Variants in UACA observed in about 807,000 individuals in gnomAD.
UACA encodes uveal autoantigen with coiled-coil domains and ankyrin repeats.
UACA carries 112 observed loss-of-function variants against 160.5 expected under a neutral mutation model. The observed-to-expected ratio is 0.70, with a 90% confidence interval of 0.60 to 0.82. The LOEUF (loss-of-function observed/expected upper bound fraction) is 0.82, where lower values mean the gene tolerates loss of function less well. UACA is among the 40% of genes least tolerant of loss of function. UACA has a pLI of 0.00. For missense variants in UACA, 1,574 were observed against 1,614.6 expected (o/e 0.97, Z 0.43); for synonymous variants, 557 against 568.4 (o/e 0.98, Z 0.29).
chr15:70,773,114 G>A, the UACA span, among the ~76,000 whole-genome samples: 1 of 151,506 alleles, frequency 6.6e-6, no homozygotes, highest in Non-Finnish European at 1.5e-5. Flanking sequence ...AGAAGACTGA[G>A]AGGAAATGGC....
chr15:70,703,005 G>T, intron 1 of UACA: 2 of 834,294 alleles, frequency 2.4e-6, no homozygotes, highest in Non-Finnish European at 3.2e-6. Context: ...AAAAAAAACT[G>T]GTTAAACACT....
chr15:70,753,948 G>C (rs2030248063), intron 1 of UACA: 2 of 357,210 alleles, frequency 5.6e-6, no homozygotes, highest in Non-Finnish European at 1.1e-5. Flanking sequence ...TGAGACTACA[G>C]GTGCCCACCA....
rs554035334 is a variant in UACA, at chr15:70,679,516, C to T, written c.891+92G>A. The stretch of plus-strand genomic sequence containing the variant: ...CCCTTTCTTTGCCCCACTCATTTCA[C>T]CCATTCTCTTGCTTCCTCTCTTCTC... On this transcript the variant is annotated intron_variant, in intron 10 of 18. Coordinates refer to ENST00000322954, the MANE Select transcript of UACA (RefSeq NM_018003.4). 156 of 777,912 alleles carry T rather than the reference C, an allele frequency of 2.0e-4. No individual in the cohort carries two copies. In the South Asian group the frequency reaches 2.8e-3, roughly 14 times the overall value. The allele number at this position is 777,912 out of a possible 1,614,324, so 48.2% of individuals were successfully genotyped here. A position where few individuals can be genotyped will look rare whatever the true frequency, so the allele number is the denominator to read the frequency against.
chr15:70,664,956 G>A (rs1411395791), intron 16 of UACA, 142 bp from the exon 17 acceptor site: 25 of 644,022 alleles, frequency 3.9e-5, no homozygotes, highest in Non-Finnish European at 5.7e-5. Flanking sequence ...TGCCAAGACT[G>A]TTACCAAGGA....
rs777936135 is a variant in UACA at position 70,668,421 on chromosome 15, T to G, written c.2263A>C (p.Lys755Gln). The change falls in exon 16 of 19, where the codon AAG becomes CAG. Residue 755 changes from lysine (K) to glutamine (Q), a missense_variant. Physicochemically the swap from Lys to Gln is moderately conservative, Grantham distance 53. Transcript: ENST00000322954. ...VPLKVSEDMK[K>Q]SHDAIIDDLN... ...TCATCAATAATTGCATCATGTGACTTTTTCATGTCTTCACTTACTTTTAAA... is the reference window on the plus strand; with the variant it reads ...TCATCAATAATTGCATCATGTGACTGTTTCATGTCTTCACTTACTTTTAAA... 4 of 1,611,912 alleles carry G rather than the reference T, an allele frequency of 2.5e-6. No individual in the cohort carries two copies. The South Asian group carries it at 3.3e-5, about 13-fold the overall frequency.
At chr15:70,774,802 C>T in the UACA span, among the ~76,000 whole-genome samples, 7 of 152,044 alleles carry the variant, frequency 4.6e-5, no homozygotes, top group South Asian at 1.3e-3. Flanking sequence ...ACTTGTAATC[C>T]CAGCAATTTT....
the UACA span, among the ~76,000 whole-genome samples, chr15:70,775,807 T>C: frequency 6.6e-6 from 1 of 152,224 alleles, no homozygotes; most frequent in African/African-American, 2.4e-5. Context: ...TGTGAGCGCC[T>C]GAGAAGTTGG....
In UACA at chr15:70,671,211, A is replaced by G; in HGVS notation, c.1169-120T>C. On this transcript the variant is annotated intron_variant, in intron 14 of 18. Coordinates refer to ENST00000322954, the MANE Select transcript of UACA (RefSeq NM_018003.4). Reference sequence around the variant, plus strand: ...AAAAGAGAAGCAAGAGGTACAACACAAAAGTATCCTCATTCTAAAATACCC... The same window carrying G: ...AAAAGAGAAGCAAGAGGTACAACACGAAAGTATCCTCATTCTAAAATACCC... 3.3e-6 allele frequency: 2 copies of G among 609,070 alleles called. 1 individual carries two copies. Among genetic ancestry groups the G allele is most frequent in the Non-Finnish European group, 5.5e-6 (2 of 361,696 alleles). 37.7% of individuals were successfully genotyped at this position (609,070 alleles called of 1,614,324 possible). A position where few individuals can be genotyped will look rare whatever the true frequency, so the allele number is the denominator to read the frequency against.
intron 9 of UACA, among the ~76,000 whole-genome samples, chr15:70,680,333 G>T (rs998882324): frequency 1.3e-5 from 2 of 151,756 alleles, no homozygotes; most frequent in Non-Finnish European, 2.9e-5. Flanking sequence ...AAACCAAAAT[G>T]ATCTTTAAAT....
In UACA at chr15:70,691,760, T is replaced by C. The variant is rs75411417; in HGVS notation, c.302-397A>G. ...CAAGATTTCACATTACATATCCAAATAGGCAGTGTGGACACTGAAAATTGA... is the reference window on the plus strand; with the variant it reads ...CAAGATTTCACATTACATATCCAAACAGGCAGTGTGGACACTGAAAATTGA... On this transcript the variant is annotated intron_variant, in intron 3 of 18. Coordinates refer to ENST00000322954, the MANE Select transcript of UACA (RefSeq NM_018003.4). Among the ~76,000 whole-genome samples, 347 of 152,194 alleles carry C rather than the reference T, an allele frequency of 2.3e-3. 3 individuals carry two copies. Among genetic ancestry groups the C allele is most frequent in the African/African-American group, 8.2e-3 (342 of 41,552 alleles).
chr15:70,655,013 T>G lies in UACA; in HGVS notation c.*2043A>C, dbSNP rs1896442965. The G allele has an allele frequency of 1.3e-5, 2 of 152,220 alleles. No individual in the cohort carries two copies. The highest frequency in any genetic ancestry group is 4.1e-4 in the South Asian group (2 of 4,832). The allele number at this position is 152,220 out of a possible 1,614,324, so 9.4% of individuals were successfully genotyped here. A position where few individuals can be genotyped will look rare whatever the true frequency, so the allele number is the denominator to read the frequency against. ...AAAATGGGTATTCTCCCTTGTACTT[T>G]GGAGTCCATCGTTTCCTACTCCCAA... On this transcript the variant is annotated 3_prime_UTR_variant, in exon 19 of 19. Coordinates refer to ENST00000322954, the MANE Select transcript of UACA (RefSeq NM_018003.4).
chr15:70,689,424 C>A (rs1897846133), intron 5 of UACA, among the ~76,000 whole-genome samples: 1 of 151,964 alleles, frequency 6.6e-6, no homozygotes, highest in Non-Finnish European at 1.5e-5. Context: ...GGTTAACTTA[C>A]AGGGGTCATT....
chr15:70,738,349 T>C (rs1042763017), intron 1 of UACA, among the ~76,000 whole-genome samples: 1 of 151,980 alleles, frequency 6.6e-6, no homozygotes, highest in South Asian at 2.1e-4. Flanking sequence ...TGTCAGATCA[T>C]GTTACTCCTT....
intron 17 of UACA, among the ~76,000 whole-genome samples, chr15:70,663,468 C>A (rs1896791573): frequency 1.3e-5 from 2 of 152,146 alleles, no homozygotes; most frequent in South Asian, 2.1e-4. Context: ...TCAGGGATCT[C>A]AAAGTAGAAA....
chr15:70,686,006 C>T (rs1029591965), intron 7 of UACA, among the ~76,000 whole-genome samples: 1 of 152,070 alleles, frequency 6.6e-6, no homozygotes, highest in African/African-American at 2.4e-5. Flanking sequence ...AACTCCTGAC[C>T]TCAAGTGATC....
intron 1 of UACA, among the ~76,000 whole-genome samples, chr15:70,706,567 A>G (rs1178784251): frequency 6.6e-6 from 1 of 151,936 alleles, no homozygotes; most frequent in Admixed American, 6.5e-5. Flanking sequence ...AAACATACTC[A>G]TACACACAAA....
intron 1 of UACA, among the ~76,000 whole-genome samples, chr15:70,737,344 A>G (rs1440392190): frequency 6.6e-6 from 1 of 152,234 alleles, no homozygotes; most frequent in African/African-American, 2.4e-5. Flanking sequence ...TTGAGGTCTA[A>G]GTCTTAAATT....
intron 8 of UACA, among the ~76,000 whole-genome samples, chr15:70,683,174 A>G (rs1290304967): frequency 2.0e-5 from 3 of 151,912 alleles, no homozygotes; most frequent in African/African-American, 7.3e-5. Context: ...TGGGCAACAT[A>G]GCAAGACCCC....
chr15:70,755,394 GGGCAGT>G (rs1362642176), intron 1 of UACA, among the ~76,000 whole-genome samples: 2 of 151,982 alleles, frequency 1.3e-5, no homozygotes, highest in Non-Finnish European at 2.9e-5. Flanking sequence ...ATGAGGCCGG[GGGCAGT>G]GGCTCACGCC....
Sources: allele counts gnomAD v4.1 joint callset (sites outside exome capture counted in the v4.1 genomes callset), GRCh38; gene constraint gnomAD v4.1.1; transcripts MANE v1.5; gene names NCBI Gene and HGNC (gene_info 2026-07-23, HGNC 2026-07-21).